Variants in RAD51B observed in about 807,000 individuals in gnomAD.
The protein encoded by RAD51B is RAD51 paralog B, also known as DNA repair protein RAD51 homolog 2.
Under a neutral mutation model 42.2 loss-of-function variants are expected in RAD51B, and 38 were observed. The observed-to-expected ratio is 0.90, with a 90% confidence interval of 0.70 to 1.18. RAD51B has a LOEUF of 1.18. Ranked by LOEUF, RAD51B falls within the 50% of genes most tolerant of loss-of-function variation. RAD51B has a pLI of 0.00. For missense variants in RAD51B, 373 were observed against 400.7 expected, an observed-to-expected ratio of 0.93 and a Z score of 0.59; for synonymous variants, 154 against 145.2, an observed-to-expected ratio of 1.06 and a Z score of -0.43.
chr14:67,963,069 T>C (rs1045340686), intron 7 of RAD51B, among the ~76,000 whole-genome samples: 1 of 152,146 alleles, frequency 6.6e-6, no homozygotes, highest in African/African-American at 2.4e-5. Flanking sequence ...TGTCTAAGAT[T>C]TAAAATTTCT....
chr14:68,292,308 C>G (rs1246837241), intron 8 of RAD51B, among the ~76,000 whole-genome samples: 1 of 152,102 alleles, frequency 6.6e-6, no homozygotes, highest in Non-Finnish European at 1.5e-5. Flanking sequence ...CCCAGTGGTC[C>G]CCTAGCAATT....
At chr14:67,979,074 G>A (rs1595196643) in intron 7 of RAD51B, among the ~76,000 whole-genome samples, 1 of 152,284 alleles carries the variant, frequency 6.6e-6, no homozygotes. Flanking sequence ...AGTATGGCTA[G>A]CCATTTTCTA....
At position 68,243,789 on chromosome 14, in the gene RAD51B, G is replaced by A. The variant is rs17105248; in HGVS notation, c.757-48095G>A. On this transcript the variant is annotated intron_variant, in intron 7 of 10. Transcript: ENST00000471583. ...TTCCTTTAAACATGGTTCTGGCAGT[G>A]TTGCCCTACTGGAAACAACTGACCT... Among the ~76,000 whole-genome samples the A allele has an allele frequency of 4.6e-3, 704 of 152,258 alleles. 4 individuals are homozygous for A. The highest frequency in any genetic ancestry group is 0.016 in the African/African-American group (668 of 41,544).
chr14:68,477,444 C>A lies in RAD51B; in HGVS notation c.1037-204C>A, dbSNP rs34015153. 6.8e-3 allele frequency among the ~76,000 whole-genome samples: 1,040 copies of A among 152,270 alleles called. 11 individuals are homozygous for A. The highest frequency in any genetic ancestry group is 0.021 in the Admixed American group (324 of 15,300). On this transcript the variant is annotated intron_variant, in intron 10 of 10. Transcript: ENST00000471583. ...CCTTTTGTCTATAGCTATCCTTAGTCAAGCCAGGGCTGCGGGACCCTAACC... is the reference window on the plus strand; with the variant it reads ...CCTTTTGTCTATAGCTATCCTTAGTAAAGCCAGGGCTGCGGGACCCTAACC...
intron 9 of RAD51B, among the ~76,000 whole-genome samples, chr14:68,446,065 A>G (rs55905601): frequency 0.063 from 9,621 of 152,282 alleles, 413 homozygotes; most frequent in Non-Finnish European, 0.091. Context: ...TGTGCTTTCT[A>G]TAATAGCCGC....
At chr14:67,925,641 G>A (rs1407566764) in intron 7 of RAD51B, among the ~76,000 whole-genome samples, 3 of 152,172 alleles carry the variant, frequency 2.0e-5, no homozygotes, top group Non-Finnish European at 4.4e-5. Flanking sequence ...CTGCTCCCCA[G>A]TAGGGACTCT....
chr14:68,056,330 G>C (rs2076473574), intron 7 of RAD51B, among the ~76,000 whole-genome samples: 1 of 151,956 alleles, frequency 6.6e-6, no homozygotes, highest in Non-Finnish European at 1.5e-5. Context: ...TGTATTTTTA[G>C]TAGAGATGGG....
chr14:68,448,731 A>G (rs527565258), intron 9 of RAD51B, among the ~76,000 whole-genome samples: 14 of 152,174 alleles, frequency 9.2e-5, no homozygotes, highest in Non-Finnish European at 1.8e-4. Flanking sequence ...CTAAACAGAA[A>G]ATCTCTGGTG....
chr14:68,531,649 G>T (rs897893604), intron 10 of RAD51B, among the ~76,000 whole-genome samples: 31 of 152,124 alleles, frequency 2.0e-4, no homozygotes, highest in African/African-American at 7.0e-4. Context: ...TATTTTTACA[G>T]AAATTTATTA....
chr14:68,223,186 C>T (rs1007618056), intron 7 of RAD51B, among the ~76,000 whole-genome samples: 5 of 152,190 alleles, frequency 3.3e-5, no homozygotes, highest in African/African-American at 1.2e-4. Context: ...TTTCCCTCGT[C>T]CTTTCCTCCC....
intron 8 of RAD51B, among the ~76,000 whole-genome samples, chr14:68,323,154 G>A (rs988033178): frequency 1.3e-5 from 2 of 152,148 alleles, no homozygotes; most frequent in African/African-American, 4.8e-5. Flanking sequence ...AGACAGGAGC[G>A]CCCAGGGAGA....
In RAD51B at chr14:68,030,937, G is replaced by A. The variant is rs143810799; in HGVS notation, c.756+143733G>A. Among the ~76,000 whole-genome samples the A allele has an allele frequency of 8.6e-4, 131 of 152,330 alleles. 1 individual carries two copies. The highest frequency in any genetic ancestry group is 1.4e-3 in the Non-Finnish European group (98 of 68,028). The stretch of plus-strand genomic sequence containing the variant: ...ATAGGAAGGCCTGAAGAGAGGGAGA[G>A]AGATGAAGGGGAATGGCCAGTTTGT... On this transcript the variant is annotated intron_variant, in intron 7 of 10. Transcript: ENST00000471583.
At position 68,348,666 on chromosome 14, in the gene RAD51B, G is replaced by A. The variant is rs142824110; in HGVS notation, c.853+56686G>A. 6.7e-3 allele frequency among the ~76,000 whole-genome samples: 1,017 copies of A among 152,358 alleles called. 8 individuals are homozygous for A. The highest frequency in any genetic ancestry group is 0.023 in the African/African-American group (955 of 41,584). On this transcript the variant is annotated intron_variant, in intron 8 of 10. Coordinates refer to ENST00000471583, the MANE Select transcript of RAD51B (RefSeq NM_133510.4). ...TGTAATCCCAGCACTTTGGGAGGCCGAGGTGGGCGGATCATGAGGTCAGGA... is the reference window on the plus strand; with the variant it reads ...TGTAATCCCAGCACTTTGGGAGGCCAAGGTGGGCGGATCATGAGGTCAGGA...
At chr14:67,877,201 T>G (rs140625691) in intron 5 of RAD51B, among the ~76,000 whole-genome samples, 2 of 152,278 alleles carry the variant, frequency 1.3e-5, no homozygotes, top group Non-Finnish European at 2.9e-5. Context: ...TTTTATAAAT[T>G]AGAGCATTTT....
chr14:68,451,912 A>C (rs1462731152), intron 9 of RAD51B, among the ~76,000 whole-genome samples: 1 of 152,214 alleles, frequency 6.6e-6, no homozygotes, highest in African/African-American at 2.4e-5. Flanking sequence ...TCCAAGCATG[A>C]TGTAACAGGG....
chr14:68,661,804 A>G (rs1252283851), intron 11 of RAD51B, among the ~76,000 whole-genome samples: 2 of 151,944 alleles, frequency 1.3e-5, no homozygotes, highest in African/African-American at 4.8e-5. Context: ...TCACCACCTC[A>G]CGTCCCACTC....
In RAD51B at chr14:68,333,884, T is replaced by C. The variant is rs563266352; in HGVS notation, c.853+41904T>C. ...TAGGTGTCTTGAAATTTATTCCTCT[T>C]GTCTCATTGCAATTGTGTATCCTTT... On this transcript the variant is annotated intron_variant, in intron 8 of 10. Transcript: ENST00000471583. Among the ~76,000 whole-genome samples the C allele has an allele frequency of 1.1e-3, 170 of 152,316 alleles. 1 individual carries two copies. The Middle Eastern group carries it at 0.02, about 18-fold the overall frequency.
intron 5 of RAD51B, among the ~76,000 whole-genome samples, chr14:67,875,318 G>A (rs1002475950): frequency 6.6e-6 from 1 of 152,162 alleles, no homozygotes; most frequent in Non-Finnish European, 1.5e-5. Flanking sequence ...CAATGGCTAA[G>A]CTTAGATCTG....
chr14:68,565,211 T>C lies in RAD51B; in HGVS notation c.1037-29274T>C, dbSNP rs17105859. ...CTTGATGTGGATCCAAGGGAAGCAG[T>C]GCCTTTGAAGTCAGCAGCAACCGCA... On this transcript the variant is annotated intron_variant, in intron 10 of 10. Transcript: ENST00000487270. The surrounding 1 kb of genome is among the most constrained non-coding windows in gnomAD (Gnocchi z 4.1). Among the ~76,000 whole-genome samples the C allele has an allele frequency of 2.9e-3, 449 of 152,308 alleles. 5 individuals carry two copies. The highest frequency in any genetic ancestry group is 0.011 in the African/African-American group (439 of 41,560).
Sources: allele counts gnomAD v4.1 joint callset (sites outside exome capture counted in the v4.1 genomes callset), GRCh38; gene constraint gnomAD v4.1.1; non-coding constraint Gnocchi (gnomAD v3.1); transcripts MANE v1.5; gene names NCBI Gene and HGNC (gene_info 2026-07-23, HGNC 2026-07-21).